Variants in ATP2B2 observed in about 807,000 individuals in gnomAD.
ATP2B2 encodes the protein ATPase plasma membrane Ca2+ transporting 2.
Under a neutral mutation model 120.0 loss-of-function variants are expected in ATP2B2, and 15 were observed. That is an observed-to-expected ratio of 0.12 (90% CI 0.08 to 0.19). The LOEUF (loss-of-function observed/expected upper bound fraction) is 0.19, where lower values mean the gene tolerates loss of function less well. ATP2B2 is among the 10% of genes least tolerant of loss of function. The pLI is 1.00. For synonymous variants in ATP2B2, 694 were observed against 700.3 expected (o/e 0.99, Z 0.14); for missense variants, 1,045 against 1,719.8 (o/e 0.61, Z 6.94).
chr3:10,471,332 T>C (rs2064984100), intron 1 of ATP2B2, among the ~76,000 whole-genome samples: 1 of 151,624 alleles, frequency 6.6e-6, no homozygotes, highest in African/African-American at 2.4e-5. Context: ...GTCTACAGCT[T>C]GGACTTTGGT....
intron 3 of ATP2B2, among the ~76,000 whole-genome samples, chr3:10,518,777 C>A (rs1331406441): frequency 6.6e-6 from 1 of 152,220 alleles, no homozygotes; most frequent in Non-Finnish European, 1.5e-5. Context: ...TGCCCTGCCC[C>A]GGGCCCCGCT....
At chr3:10,523,374 T>C (rs1453233295) in intron 3 of ATP2B2, among the ~76,000 whole-genome samples, 1 of 152,256 alleles carries the variant, frequency 6.6e-6, no homozygotes, top group Non-Finnish European at 1.5e-5. Context: ...CTCCTGAACA[T>C]GTCCCCCAAC....
chr3:10,554,695 T>C (rs996192318), intron 2 of ATP2B2, among the ~76,000 whole-genome samples: 2 of 152,244 alleles, frequency 1.3e-5, no homozygotes, highest in Admixed American at 6.5e-5. Context: ...TGGTTTTTTG[T>C]TACAGCAGCA....
Position 10,416,459 on chromosome 3 carries a change from GT to G in ATP2B2, c.200-5645del, listed in dbSNP as rs1049301855. Among the ~76,000 whole-genome samples the G allele has an allele frequency of 4.6e-4, 70 of 152,330 alleles. 1 individual carries two copies. Among genetic ancestry groups the G allele is most frequent in the Admixed American group, 4.4e-3 (68 of 15,298 alleles). ...AGAGGTTTCATTTGGTCTGCCCGGT[GT>G]TTTTAAAAAAATGGAAATTTGTTAC... On this transcript the variant is annotated intron_variant, in intron 2 of 22. Coordinates refer to ENST00000360273, the MANE Select transcript of ATP2B2 (RefSeq NM_001001331.4).
intron 1 of ATP2B2, among the ~76,000 whole-genome samples, chr3:10,669,903 G>A (rs2071049903): frequency 6.6e-6 from 1 of 152,178 alleles, no homozygotes; most frequent in South Asian, 2.1e-4. Flanking sequence ...CAAGGTAAAA[G>A]CCAAAGTTAA....
At chr3:10,466,855 T>C (rs558046012) in intron 1 of ATP2B2, among the ~76,000 whole-genome samples, 16 of 152,334 alleles carry the variant, frequency 1.1e-4, no homozygotes, top group East Asian at 3.9e-4. Context: ...GGGGCCTGCA[T>C]TGCATCCCAG....
At chr3:10,654,725 G>A (rs938700192) in intron 1 of ATP2B2, among the ~76,000 whole-genome samples, 7 of 151,766 alleles carry the variant, frequency 4.6e-5, no homozygotes, top group African/African-American at 1.7e-4. Flanking sequence ...GTTTTGGGAG[G>A]CTGTCTCCAT....
Position 10,434,029 on chromosome 3 carries a change from T to TAA in ATP2B2, c.199+15314_199+15315dup, listed in dbSNP as rs201064707. 2.5e-3 allele frequency among the ~76,000 whole-genome samples: 363 copies of TAA among 147,790 alleles called. 10 individuals carry two copies. In the South Asian group the frequency reaches 0.06, roughly 25 times the overall value. On this transcript the variant is annotated intron_variant, in intron 2 of 22. Coordinates refer to ENST00000360273, the MANE Select transcript of ATP2B2 (RefSeq NM_001001331.4). ...ACCCAATAAATTGTTCTTTAAAGTGTAAAAAAAAAAATGCAGCAGCTTATT... is the reference window on the plus strand; with the variant it reads ...ACCCAATAAATTGTTCTTTAAAGTGTAAAAAAAAAAAAATGCAGCAGCTTATT...
At chr3:10,429,036 AG>A (rs1413500999) in intron 2 of ATP2B2, among the ~76,000 whole-genome samples, 1 of 152,206 alleles carries the variant, frequency 6.6e-6, no homozygotes, top group Non-Finnish European at 1.5e-5. Context: ...GTGCTCCTGC[AG>A]CCTCCTGTTG....
Position 10,347,413 on chromosome 3 carries a change from G to T in ATP2B2, c.2405-1276C>A, listed in dbSNP as rs975142592. Among the ~76,000 whole-genome samples the T allele has an allele frequency of 6.6e-6, 1 of 152,150 alleles. No individual in the cohort carries two copies. The highest frequency in any genetic ancestry group is 6.5e-5 in the Admixed American group (1 of 15,278). ...ACTCTATGTGCTGCTCCATCCTTGC[G>T]CATCTCTCTGCTCTGTGCCTAGCAG... On this transcript the variant is annotated intron_variant, in intron 16 of 22. Transcript: ENST00000360273. This position sits in a 1 kb window ranked among gnomAD's most constrained non-coding sequence, Gnocchi z 5.2.
intron 1 of ATP2B2, among the ~76,000 whole-genome samples, chr3:10,492,085 C>T (rs1036615127): frequency 1.3e-5 from 2 of 152,200 alleles, no homozygotes; most frequent in Non-Finnish European, 2.9e-5. Flanking sequence ...GACAAGCATG[C>T]ATTATTTTTG....
At chr3:10,645,791 A>G (rs912379781) in intron 1 of ATP2B2, among the ~76,000 whole-genome samples, 2 of 152,134 alleles carry the variant, frequency 1.3e-5, no homozygotes, top group African/African-American at 4.8e-5. Context: ...CTGGGGTGAT[A>G]ATTGGGTTCC....
At chr3:10,621,480 C>A (rs2069546588) in intron 1 of ATP2B2, among the ~76,000 whole-genome samples, 1 of 152,182 alleles carries the variant, frequency 6.6e-6, no homozygotes, top group African/African-American at 2.4e-5. Flanking sequence ...CCAGCAACTG[C>A]TTTGTATAGA....
At chr3:10,359,281 T>C (rs1281721987) in intron 13 of ATP2B2, among the ~76,000 whole-genome samples, 1 of 152,162 alleles carries the variant, frequency 6.6e-6, no homozygotes, top group Non-Finnish European at 1.5e-5. Flanking sequence ...CGTGCGAGCC[T>C]TGCCCCAGAG....
intron 2 of ATP2B2, among the ~76,000 whole-genome samples, chr3:10,416,813 A>G (rs1299070682): frequency 6.6e-6 from 1 of 151,966 alleles, no homozygotes; most frequent in African/African-American, 2.4e-5. Context: ...GAAAATGCAA[A>G]CGGGGAGGGC....
intron 1 of ATP2B2, among the ~76,000 whole-genome samples, chr3:10,640,027 C>T (rs7651051): frequency 0.063 from 9,657 of 152,170 alleles, 429 homozygotes; most frequent in African/African-American, 0.13. Flanking sequence ...AAAGTCTAGA[C>T]TTTTCCCAGG....
chr3:10,384,972 T>A (rs1249558412), intron 8 of ATP2B2, among the ~76,000 whole-genome samples: 1 of 152,216 alleles, frequency 6.6e-6, no homozygotes, highest in Non-Finnish European at 1.5e-5. Flanking sequence ...CGCTCCTTCT[T>A]GGGAGCCAAT....
chr3:10,544,867 C>T (rs960364985), intron 2 of ATP2B2, among the ~76,000 whole-genome samples: 5 of 152,198 alleles, frequency 3.3e-5, no homozygotes, highest in Non-Finnish European at 7.3e-5. Context: ...TGTTTCCACC[C>T]GCCCCTTCCA....
At chr3:10,577,851 G>C (rs2068290030) in intron 2 of ATP2B2, among the ~76,000 whole-genome samples, 1 of 152,218 alleles carries the variant, frequency 6.6e-6, no homozygotes, top group Admixed American at 6.5e-5. Flanking sequence ...AGAGTCCACA[G>C]ACCAGCAGCC....
Sources: allele counts gnomAD v4.1 joint callset (sites outside exome capture counted in the v4.1 genomes callset), GRCh38; gene constraint gnomAD v4.1.1; non-coding constraint Gnocchi (gnomAD v3.1); transcripts MANE v1.5; gene names NCBI Gene and HGNC (gene_info 2026-07-23, HGNC 2026-07-21).